SNTG1: variants seen among roughly 807,000 people sequenced by gnomAD.
SNTG1 encodes gamma-1-syntrophin.
A neutral mutation model predicts 74.7 loss-of-function variants in SNTG1; 39 were observed. That is an observed-to-expected ratio of 0.52 (90% CI 0.40 to 0.68). The LOEUF is 0.68. Ranked by LOEUF, SNTG1 falls within the 30% of genes least tolerant of loss-of-function variation. The pLI, the probability that SNTG1 is intolerant of heterozygous loss-of-function variation, is 0.00. For synonymous variants in SNTG1, 254 were observed against 217.1 expected (o/e 1.17, Z -1.49); for missense variants, 685 against 609.5 (o/e 1.12, Z -1.30).
intron 12 of SNTG1, among the ~76,000 whole-genome samples, chr8:50,573,293 G>A (rs2094558988): frequency 6.6e-6 from 1 of 151,970 alleles, no homozygotes; most frequent in South Asian, 2.1e-4. Flanking sequence ...ACAAAATTCA[G>A]GGATTTAAGA....
chr8:50,703,332 T>G (rs1031089912), intron 15 of SNTG1, among the ~76,000 whole-genome samples: 1 of 147,434 alleles, frequency 6.8e-6, no homozygotes, highest in Non-Finnish European at 1.5e-5. Flanking sequence ...CTTTTTAAAA[T>G]TTTTATAAAA....
intron 18 of SNTG1, among the ~76,000 whole-genome samples, chr8:50,764,458 C>T (rs2095608461): frequency 6.6e-6 from 1 of 151,858 alleles, no homozygotes; most frequent in Non-Finnish European, 1.5e-5. Flanking sequence ...GGGCAAAGGA[C>T]TCATTTTGAG....
intron 15 of SNTG1, among the ~76,000 whole-genome samples, chr8:50,664,149 C>T (rs1258586827): frequency 1.3e-5 from 2 of 152,002 alleles, no homozygotes; most frequent in Non-Finnish European, 2.9e-5. Flanking sequence ...AAAACAAAAG[C>T]AAAAACTAGA....
At chr8:50,427,240 A>G (rs2093174914) in intron 4 of SNTG1, among the ~76,000 whole-genome samples, 1 of 152,196 alleles carries the variant, frequency 6.6e-6, no homozygotes, top group Admixed American at 6.5e-5. Context: ...ACAGTCAAAA[A>G]TATTATTTAA....
rs184566085 is a variant in SNTG1, at chr8:50,288,035, C to G, written c.-27-106177C>G. Among the ~76,000 whole-genome samples the G allele has an allele frequency of 2.4e-4, 36 of 152,136 alleles. No individual in the cohort carries two copies. In the East Asian group the frequency reaches 2.5e-3, roughly 11 times the overall value. On this transcript the variant is annotated intron_variant, in intron 2 of 18. Coordinates refer to ENST00000642720, the MANE Select transcript of SNTG1 (RefSeq NM_018967.5). ...CCAAATATGGCATTTATATTATAGA[C>G]CTTTGGGGACTGTAAGTTATTTACA...
At chr8:50,038,619 AAG>A (rs1453830568) in intron 1 of SNTG1, among the ~76,000 whole-genome samples, 1 of 152,182 alleles carries the variant, frequency 6.6e-6, no homozygotes, top group Non-Finnish European at 1.5e-5. Flanking sequence ...TGAAGGGTAA[AAG>A]AAAAAAAATT....
chr8:49,929,417 C>A lies in SNTG1; in HGVS notation c.-103+17186C>A, dbSNP rs551761513. On this transcript the variant is annotated intron_variant, in intron 1 of 18. Transcript: ENST00000642720. ...TCTATGTAGAGCTTGTGCAGGCCAT[C>A]CCTGATTTAGGATTGATTATGGGTT... 2.6e-5 allele frequency among the ~76,000 whole-genome samples: 4 copies of A among 152,318 alleles called. No individual in the cohort carries two copies. The South Asian group carries it at 8.3e-4, about 32-fold the overall frequency.
chr8:50,416,809 G>A (rs930493741), intron 4 of SNTG1, among the ~76,000 whole-genome samples: 8 of 152,048 alleles, frequency 5.3e-5, no homozygotes, highest in Admixed American at 4.6e-4. Context: ...TAGAGTGATA[G>A]CCGTGCTGAA....
intron 17 of SNTG1, among the ~76,000 whole-genome samples, chr8:50,736,630 T>C (rs561884989): frequency 6.6e-6 from 1 of 152,214 alleles, no homozygotes; most frequent in African/African-American, 2.4e-5. Context: ...TACATTCTTT[T>C]CAGCACCACA....
chr8:50,260,230 A>G (rs112756327), intron 2 of SNTG1, among the ~76,000 whole-genome samples: 2 of 152,174 alleles, frequency 1.3e-5, no homozygotes, highest in Non-Finnish European at 2.9e-5. Context: ...CTAGATTTCA[A>G]TGTGGCAGGG....
chr8:49,963,367 C>T (rs760065473), intron 1 of SNTG1, among the ~76,000 whole-genome samples: 15 of 152,284 alleles, frequency 9.9e-5, no homozygotes, highest in South Asian at 8.3e-4. Flanking sequence ...GATCTTGGCA[C>T]GGCTGATTTT....
intron 1 of SNTG1, among the ~76,000 whole-genome samples, chr8:49,952,167 A>G (rs1175122128): frequency 6.6e-6 from 1 of 152,174 alleles, no homozygotes; most frequent in Non-Finnish European, 1.5e-5. Context: ...CTTCATTCAC[A>G]TAACTTCCAT....
chr8:50,497,800 C>T (rs1248352849), intron 8 of SNTG1, among the ~76,000 whole-genome samples: 1 of 152,042 alleles, frequency 6.6e-6, no homozygotes, highest in Non-Finnish European at 1.5e-5. Flanking sequence ...AATCACTAAT[C>T]TGCTTTGTGG....
intron 1 of SNTG1, among the ~76,000 whole-genome samples, chr8:50,150,318 A>G (rs995573720): frequency 2.0e-5 from 3 of 152,196 alleles, no homozygotes; most frequent in East Asian, 1.9e-4. Flanking sequence ...TTTTCTAAAT[A>G]TACAATCATG....
intron 4 of SNTG1, among the ~76,000 whole-genome samples, chr8:50,405,832 A>G (rs1184497237): frequency 6.6e-6 from 1 of 152,110 alleles, no homozygotes; most frequent in African/African-American, 2.4e-5. Context: ...CATTAGGTAA[A>G]GATCCAACTT....
chr8:49,950,798 C>A (rs1357669807), intron 1 of SNTG1, among the ~76,000 whole-genome samples: 1 of 152,194 alleles, frequency 6.6e-6, no homozygotes, highest in African/African-American at 2.4e-5. Context: ...ACCTTCACAT[C>A]TGCTAAATGT....
At chr8:50,757,401 T>C (rs2095583205) in intron 18 of SNTG1, among the ~76,000 whole-genome samples, 1 of 151,884 alleles carries the variant, frequency 6.6e-6, no homozygotes, top group Non-Finnish European at 1.5e-5. Flanking sequence ...ACGTCTTTTT[T>C]GGATAATTTA....
intron 2 of SNTG1, among the ~76,000 whole-genome samples, chr8:50,372,631 C>G (rs1277444102): frequency 6.6e-6 from 1 of 152,092 alleles, no homozygotes; most frequent in African/African-American, 2.4e-5. Context: ...GTGTGTCAAG[C>G]TCATTGAGAA....
chr8:50,655,655 A>G (rs1424871390), intron 13 of SNTG1, among the ~76,000 whole-genome samples: 3 of 152,318 alleles, frequency 2.0e-5, no homozygotes, highest in African/African-American at 7.2e-5. Flanking sequence ...ATGGTGAATA[A>G]TCCAATTATT....
Sources: gnomAD v4.1 joint callset for allele counts (sites outside exome capture counted in the v4.1 genomes callset) on GRCh38, gnomAD v4.1.1 for gene constraint, MANE v1.5 for transcripts, NCBI Gene and HGNC (gene_info 2026-07-23, HGNC 2026-07-21) for gene names.